IQSEC1: variants seen among roughly 807,000 people sequenced by gnomAD.
The protein encoded by IQSEC1 is IQ motif and Sec7 domain ArfGEF 1, also known as IQ motif and SEC7 domain-containing protein 1.
A neutral mutation model predicts 91.0 loss-of-function variants in IQSEC1; 31 were observed. The ratio of observed to expected loss-of-function variants is 0.34; its 90% CI spans 0.26 to 0.46. IQSEC1 has a LOEUF of 0.46. Among genes scored for constraint, IQSEC1 ranks in the 20% least tolerant of loss-of-function variants. The probability of loss-of-function intolerance (pLI) is 1.00; values close to 1 mark genes in which losing one functional copy is unlikely to be tolerated. For missense variants in IQSEC1, 1,388 were observed against 1,575.6 expected, an observed-to-expected ratio of 0.88 and a Z score of 2.02; for synonymous variants, 699 against 662.6, an observed-to-expected ratio of 1.05 and a Z score of -0.84.
At chr3:12,911,562 G>T in intron 10 of IQSEC1, 67 bp downstream of exon 10, 1 of 1,248,618 alleles carries the variant, frequency 8.0e-7, no homozygotes. Flanking sequence ...TGTCCTCGAA[G>T]CAGCCAGGAG....
At chr3:13,011,762 T>A (rs1466789740) in intron 1 of IQSEC1, among the ~76,000 whole-genome samples, 1 of 152,230 alleles carries the variant, frequency 6.6e-6, no homozygotes, top group Non-Finnish European at 1.5e-5. Context: ...TTGCTGTATT[T>A]GCTTCCGCTG....
intron 1 of IQSEC1, among the ~76,000 whole-genome samples, chr3:13,034,173 C>G (rs1263022126): frequency 6.6e-6 from 1 of 152,190 alleles, no homozygotes; most frequent in Non-Finnish European, 1.5e-5. Context: ...GCGAAGGGCT[C>G]AGCTTGCAAC....
chr3:13,138,452 G>A (rs549866194), intron 2 of IQSEC1, among the ~76,000 whole-genome samples: 1 of 152,028 alleles, frequency 6.6e-6, no homozygotes, highest in Admixed American at 6.5e-5. Context: ...ACCCACCCCT[G>A]CAGCCTCCCG....
At chr3:12,941,433 G>T in intron 2 of IQSEC1, 138 bp downstream of exon 2, 1 of 847,356 alleles carries the variant, frequency 1.2e-6, no homozygotes, top group Non-Finnish European at 1.8e-6. Flanking sequence ...AACTGGGGCA[G>T]AGCCCTCAGC....
intron 2 of IQSEC1, among the ~76,000 whole-genome samples, chr3:13,162,961 C>T (rs1192876345): frequency 6.6e-6 from 1 of 152,070 alleles, no homozygotes; most frequent in Non-Finnish European, 1.5e-5. Context: ...CCAGCTAGTC[C>T]CCTCACCTGG....
chr3:13,120,893 A>G (rs1461322229), intron 2 of IQSEC1, among the ~76,000 whole-genome samples: 1 of 152,192 alleles, frequency 6.6e-6, no homozygotes, highest in Non-Finnish European at 1.5e-5. Context: ...CTCTCAGAGA[A>G]CTCAGCCTGC....
rs1695599670 is a variant in IQSEC1 at position 13,272,150 on chromosome 3, T to C, written c.272+10561A>G. Among the ~76,000 whole-genome samples, 5 of 152,324 alleles carry C rather than the reference T, an allele frequency of 3.3e-5. No homozygotes were observed. The Middle Eastern group carries it at 0.017, about 518-fold the overall frequency. ...AAAAATGTCTAGATGACAGCTCTGA[T>C]AGGGATATGCTTGGCTGATCCTTGC... On this transcript the variant is annotated intron_variant, in intron 1 of 15. Coordinates refer to the IQSEC1 transcript ENST00000648114.
chr3:13,020,055 G>A (rs976311704), intron 1 of IQSEC1, among the ~76,000 whole-genome samples: 10 of 152,236 alleles, frequency 6.6e-5, no homozygotes, highest in Non-Finnish European at 1.5e-5. Flanking sequence ...CCAGTGCCGA[G>A]CCCTCTGCAT....
At chr3:13,036,901 G>A (rs1479136081) in intron 1 of IQSEC1, among the ~76,000 whole-genome samples, 1 of 152,180 alleles carries the variant, frequency 6.6e-6, no homozygotes, top group African/African-American at 2.4e-5. Context: ...CCAGACAACG[G>A]CATCCACGGC....
chr3:13,260,802 G>A lies in IQSEC1; in HGVS notation c.272+21909C>T, dbSNP rs936110453. On this transcript the variant is annotated intron_variant, in intron 1 of 15. Coordinates refer to the IQSEC1 transcript ENST00000648114. ...AGAAAGCCACATTGTCCTGGGGCCC[G>A]GGAGACAGGCCCAGCCAAGGAGGCT... Among the ~76,000 whole-genome samples, 26 of 152,210 alleles carry A rather than the reference G, an allele frequency of 1.7e-4. 1 individual carries two copies. The highest frequency in any genetic ancestry group is 3.9e-4 in the Admixed American group (6 of 15,284).
At chr3:12,965,622 C>A (rs1469641194) in intron 1 of IQSEC1, among the ~76,000 whole-genome samples, 1 of 152,238 alleles carries the variant, frequency 6.6e-6, no homozygotes, top group Admixed American at 6.5e-5. Flanking sequence ...CTGTTCATCA[C>A]CAACCCAGAC....
intron 2 of IQSEC1, among the ~76,000 whole-genome samples, chr3:13,150,335 C>T (rs957165528): frequency 6.6e-6 from 1 of 152,214 alleles, no homozygotes; most frequent in African/African-American, 2.4e-5. Context: ...TGAGGCTTGA[C>T]CATGTCCTGA....
At chr3:13,060,904 G>A (rs192946530) in intron 1 of IQSEC1, among the ~76,000 whole-genome samples, 1 of 152,140 alleles carries the variant, frequency 6.6e-6, no homozygotes, top group African/African-American at 2.4e-5. Context: ...CTCAGCCCAG[G>A]GGGGAGCCTT....
chr3:12,922,054 C>G lies in IQSEC1; in HGVS notation c.1853+66G>C. On this transcript the variant is annotated intron_variant, in intron 5 of 13. Transcript: ENST00000613206. The surrounding 1 kb of genome is among the most constrained non-coding windows in gnomAD (Gnocchi z 5.1). The stretch of plus-strand genomic sequence containing the variant: ...GGGGATGCAGTCTTTGGTCCATCCT[C>G]GGGCCCTGAAGCTGGGGGACACCAT... The G allele has an allele frequency of 6.7e-7, 1 of 1,497,764 alleles. No individual in the cohort carries two copies. Among genetic ancestry groups the G allele is most frequent in the Non-Finnish European group, 9.0e-7 (1 of 1,115,566 alleles). The allele number at this position is 1,497,764 out of a possible 1,614,324, so 92.8% of individuals were successfully genotyped here.
At chr3:13,012,964 C>CTTTTTTTTTTTTTTTTTTTTTT (rs35541458) in intron 1 of IQSEC1, among the ~76,000 whole-genome samples, 2 of 97,544 alleles carry the variant, frequency 2.1e-5, no homozygotes, top group Admixed American at 1.1e-4. Flanking sequence ...AAAGTCTGGG[C>CTTTTTTTTTTTTTTTTTTTTTT]TTTTTTTTTT....
intron 1 of IQSEC1, among the ~76,000 whole-genome samples, chr3:13,005,411 C>T (rs935706379): frequency 1.3e-5 from 2 of 152,160 alleles, no homozygotes; most frequent in South Asian, 2.1e-4. Flanking sequence ...TACTGGCCTG[C>T]CTGCCCCCAG....
At chr3:12,939,995 A>G (rs1698603577) in intron 2 of IQSEC1, among the ~76,000 whole-genome samples, 1 of 152,268 alleles carries the variant, frequency 6.6e-6, no homozygotes, top group Non-Finnish European at 1.5e-5. Flanking sequence ...GATAATATGC[A>G]TGGAATGAAA....
intron 2 of IQSEC1, among the ~76,000 whole-genome samples, chr3:13,139,115 C>T (rs1706758818): frequency 6.6e-6 from 1 of 152,130 alleles, no homozygotes; most frequent in East Asian, 1.9e-4. Context: ...TTCCATTTGC[C>T]CCAGCCAGTG....
chr3:13,249,611 G>C (rs1197032857), intron 1 of IQSEC1, among the ~76,000 whole-genome samples: 4 of 152,050 alleles, frequency 2.6e-5, no homozygotes, highest in Non-Finnish European at 2.9e-5. Flanking sequence ...TATGGAGTTC[G>C]AATACCAGCT....
Sources: gnomAD v4.1 joint callset for allele counts (sites outside exome capture counted in the v4.1 genomes callset) on GRCh38, gnomAD v4.1.1 for gene constraint, Gnocchi (gnomAD v3.1) non-coding constraint, MANE v1.5 for transcripts, NCBI Gene and HGNC (gene_info 2026-07-23, HGNC 2026-07-21) for gene names.